OLA1: variants seen among roughly 807,000 people sequenced by gnomAD.
OLA1 encodes obg-like ATPase 1.
OLA1 carries 14 observed loss-of-function variants against 48.4 expected under a neutral mutation model. The ratio of observed to expected loss-of-function variants is 0.29; its 90% CI spans 0.19 to 0.45. The LOEUF (loss-of-function observed/expected upper bound fraction) is 0.45. Among genes scored for constraint, OLA1 ranks in the 20% least tolerant of loss-of-function variants. The probability of loss-of-function intolerance (pLI) is 1.00; values close to 1 mark genes in which losing one functional copy is unlikely to be tolerated. For synonymous variants in OLA1, 127 were observed against 150.4 expected, an observed-to-expected ratio of 0.84 and a Z score of 1.14; for missense variants, 325 against 467.1, an observed-to-expected ratio of 0.70 and a Z score of 2.80.
chr2:174,127,308 C>T lies in OLA1; in HGVS notation c.550-3633G>A, dbSNP rs78210165. Among the ~76,000 whole-genome samples, 1,216 of 152,266 alleles carry T rather than the reference C, an allele frequency of 8.0e-3. 18 individuals carry two copies. The highest frequency in any genetic ancestry group is 0.028 in the African/African-American group (1,145 of 41,544). ...GCTTTTATAACTGTTCCTTGTTTAG[C>T]CTAGACATCCCCCAAGGTTGTTACC... On this transcript the variant is annotated intron_variant, in intron 5 of 10. Transcript: ENST00000284719.
intron 7 of OLA1, among the ~76,000 whole-genome samples, chr2:174,114,744 C>T (rs1157732648): frequency 2.0e-5 from 3 of 152,176 alleles, no homozygotes; most frequent in Non-Finnish European, 4.4e-5. Flanking sequence ...ACTGCTAAAT[C>T]TTTGCTAATG....
chr2:174,142,691 A>T (rs549651515), intron 4 of OLA1, among the ~76,000 whole-genome samples: 1 of 152,366 alleles, frequency 6.6e-6, no homozygotes, highest in Non-Finnish European at 1.5e-5. Flanking sequence ...AACTGGAAAC[A>T]TAAGGGTAAA....
In OLA1 at chr2:174,161,680, ATACACAC is replaced by A. The variant is rs771358682; in HGVS notation, c.374-19687_374-19681del. Among the ~76,000 whole-genome samples the A allele has an allele frequency of 8.4e-5, 6 of 71,554 alleles. No homozygotes were observed. In the South Asian group the frequency reaches 9.8e-4, roughly 12 times the overall value. The allele number at this position is 71,554 out of a possible 152,430, so 46.9% of individuals were successfully genotyped here. A position where few individuals can be genotyped will look rare whatever the true frequency, so the allele number is the denominator to read the frequency against. ...ACTTTGTCTCTTTAAAAAAAAAAAA[ATACACAC>A]ACACACACACACACACACACACACA... On this transcript the variant is annotated intron_variant, in intron 4 of 10. Coordinates refer to ENST00000284719, the MANE Select transcript of OLA1 (RefSeq NM_013341.5).
chr2:174,112,670 T>A (rs571900240), intron 7 of OLA1, among the ~76,000 whole-genome samples: 3 of 152,140 alleles, frequency 2.0e-5, no homozygotes, highest in Non-Finnish European at 2.9e-5. Context: ...GGACTCCTGA[T>A]ACAGAGAATG....
chr2:174,082,235 G>A (rs1684871831), intron 7 of OLA1, among the ~76,000 whole-genome samples, 171 bp from the exon 8 acceptor site: 1 of 152,010 alleles, frequency 6.6e-6, no homozygotes, highest in Non-Finnish European at 1.5e-5. Flanking sequence ...AACTGCTTCA[G>A]GTATACGCCA....
At chr2:174,116,557 A>G (rs1685788321) in intron 7 of OLA1, among the ~76,000 whole-genome samples, 2 of 152,326 alleles carry the variant, frequency 1.3e-5, no homozygotes, top group South Asian at 4.1e-4. Context: ...TGAGATATGG[A>G]AGAGGGAATG....
At chr2:174,240,226 C>T (rs2105465062) in intron 2 of OLA1, 1 of 152,170 alleles carries the variant, frequency 6.6e-6, no homozygotes, top group East Asian at 1.9e-4. Context: ...TTTTGATCTG[C>T]TCTGTTTTTG....
At chr2:174,118,975 T>C (rs1685847275) in intron 7 of OLA1, among the ~76,000 whole-genome samples, 1 of 151,778 alleles carries the variant, frequency 6.6e-6, no homozygotes, top group Admixed American at 6.6e-5. Flanking sequence ...TATCTCTCGA[T>C]AAGAATATGA....
At chr2:174,130,645 A>G (rs765467198) in intron 5 of OLA1, among the ~76,000 whole-genome samples, 15 of 152,204 alleles carry the variant, frequency 9.9e-5, no homozygotes, top group Non-Finnish European at 2.2e-4. Flanking sequence ...AATGCATTTT[A>G]CCATGTTTGA....
At chr2:174,119,907 C>G (rs113117619) in intron 7 of OLA1, among the ~76,000 whole-genome samples, 4 of 151,956 alleles carry the variant, frequency 2.6e-5, no homozygotes, top group African/African-American at 7.2e-5. Context: ...TAAATGACTA[C>G]AAGCCCACCA....
intron 4 of OLA1, among the ~76,000 whole-genome samples, chr2:174,153,045 T>C (rs897526179): frequency 6.6e-6 from 1 of 152,170 alleles, no homozygotes; most frequent in South Asian, 2.1e-4. Flanking sequence ...TACCATCCCT[T>C]TGACACATTC....
intron 5 of OLA1, among the ~76,000 whole-genome samples, chr2:174,134,454 G>A (rs573134823): frequency 6.6e-6 from 1 of 152,148 alleles, no homozygotes; most frequent in South Asian, 2.1e-4. Flanking sequence ...CATTCTTCTA[G>A]TTATTCTGAA....
chr2:174,207,271 C>CT lies in OLA1; in HGVS notation c.373+15761dup, dbSNP rs560224390. ...TTTTTCATCAGTGCCACCTTCACCT[C>CT]TTTTTAACCAAACACCCACAACAAA... is the stretch of plus-strand genomic sequence containing the variant. On this transcript the variant is annotated intron_variant, in intron 4 of 10. Coordinates refer to ENST00000284719, the MANE Select transcript of OLA1 (RefSeq NM_013341.5). Among the ~76,000 whole-genome samples the CT allele has an allele frequency of 2.8e-3, 423 of 152,258 alleles. 3 individuals are homozygous for CT. The highest frequency in any genetic ancestry group is 9.5e-3 in the African/African-American group (393 of 41,556).
intron 4 of OLA1, among the ~76,000 whole-genome samples, chr2:174,206,684 A>G (rs1688122266): frequency 6.6e-6 from 1 of 152,226 alleles, no homozygotes. Flanking sequence ...TTGATACAAT[A>G]TTACAATGCA....
chr2:174,089,384 C>A (rs1685056005), intron 7 of OLA1, among the ~76,000 whole-genome samples: 2 of 152,166 alleles, frequency 1.3e-5, no homozygotes, highest in East Asian at 1.9e-4. Context: ...ACTATGCAGA[C>A]CAACTGATAA....
intron 4 of OLA1, among the ~76,000 whole-genome samples, chr2:174,191,908 T>C (rs1028704619): frequency 1.3e-5 from 2 of 152,218 alleles, no homozygotes; most frequent in Admixed American, 1.3e-4. Context: ...ACAGCACATA[T>C]GTACAAACAA....
rs1404982914 is a variant in OLA1, at chr2:174,141,902, C to T, written c.472G>A (p.Glu158Lys). 1 of 1,612,618 alleles carries T rather than the reference C, an allele frequency of 6.2e-7. No individual in the cohort carries two copies. Among genetic ancestry groups the T allele is most frequent in the Non-Finnish European group, 8.5e-7 (1 of 1,179,788 alleles). Residue 158 changes from glutamate to lysine, a missense_variant, in exon 5 of 11, where the codon GAA becomes AAA. Coordinates refer to ENST00000284719, the MANE Select transcript of OLA1 (RefSeq NM_013341.5). ...TTATCTATAATGGGCCCAATCATTT[C>T]CTCATCTTTAAGCTGAAGCTCTTCA... ...IHEELQLKDE[E>K]MIGPIIDKLE... is the part of the protein sequence containing the mutation.
At chr2:174,100,082 A>T (rs13397620) in intron 7 of OLA1, among the ~76,000 whole-genome samples, 6,450 of 152,268 alleles carry the variant, frequency 0.042, 490 homozygotes, top group African/African-American at 0.15. Flanking sequence ...CTTATTTTTT[A>T]AAAAAGTAAA....
intron 10 of OLA1, 112 bp downstream of exon 10, chr2:174,078,852 ATTAC>A: frequency 1.9e-6 from 2 of 1,038,358 alleles, no homozygotes; most frequent in Non-Finnish European, 2.7e-6. Context: ...TGATCATCTT[ATTAC>A]TTTATTTTAG....
Sources: gnomAD v4.1 joint callset for allele counts (sites outside exome capture counted in the v4.1 genomes callset) on GRCh38, gnomAD v4.1.1 for gene constraint, MANE v1.5 for transcripts, NCBI Gene and HGNC (gene_info 2026-07-23, HGNC 2026-07-21) for gene names.